Variants in CNTNAP2 observed in about 807,000 individuals in gnomAD.
CNTNAP2 encodes contactin associated protein 2.
A neutral mutation model predicts 155.2 loss-of-function variants in CNTNAP2; 98 were observed. That is an observed-to-expected ratio of 0.63 (90% confidence interval 0.54 to 0.75). CNTNAP2 has a LOEUF of 0.75. Ranked by LOEUF, CNTNAP2 falls within the 30% of genes least tolerant of loss-of-function variation. The pLI, the probability that CNTNAP2 is intolerant of heterozygous loss-of-function variation, is 0.00. For synonymous variants in CNTNAP2, 651 were observed against 631.2 expected (o/e 1.03, Z -0.47); for missense variants, 1,727 against 1,688.1 (o/e 1.02, Z -0.40).
intron 1 of CNTNAP2, among the ~76,000 whole-genome samples, chr7:146,213,683 C>T (rs1197788490): frequency 1.3e-5 from 2 of 152,108 alleles, no homozygotes; most frequent in Non-Finnish European, 2.9e-5. Flanking sequence ...ATTCAAATAT[C>T]CCAGTTCCCA....
intron 1 of CNTNAP2, among the ~76,000 whole-genome samples, chr7:146,596,068 T>C (rs1798854040): frequency 6.6e-6 from 1 of 152,028 alleles, no homozygotes; most frequent in African/African-American, 2.4e-5. Context: ...AGTAGGCCAA[T>C]ATATTTTGCT....
intron 14 of CNTNAP2, among the ~76,000 whole-genome samples, chr7:147,938,684 A>T (rs1585038817): frequency 6.6e-6 from 1 of 152,168 alleles, no homozygotes; most frequent in East Asian, 1.9e-4. Context: ...AAGTAACTAA[A>T]CTGGTACAAT....
At chr7:146,815,833 A>G (rs149661747) in intron 2 of CNTNAP2, among the ~76,000 whole-genome samples, 2,249 of 152,200 alleles carry the variant, frequency 0.015, 53 homozygotes, top group African/African-American at 0.048. Flanking sequence ...ATATGTATAC[A>G]TGTGCCATGT....
At chr7:147,299,850 G>A (rs1055275668) in intron 8 of CNTNAP2, among the ~76,000 whole-genome samples, 1 of 152,124 alleles carries the variant, frequency 6.6e-6, no homozygotes. Flanking sequence ...GGGAGGCCGA[G>A]GTCATCTAAA....
intron 18 of CNTNAP2, among the ~76,000 whole-genome samples, chr7:148,191,745 C>T (rs895813583): frequency 7.2e-5 from 11 of 152,166 alleles, no homozygotes; most frequent in African/African-American, 2.7e-4. Flanking sequence ...AATCACTTTC[C>T]AAGGCCTCAC....
intron 13 of CNTNAP2, among the ~76,000 whole-genome samples, chr7:147,867,183 G>C (rs919198162): frequency 2.6e-4 from 40 of 152,058 alleles, no homozygotes; most frequent in African/African-American, 9.2e-4. Flanking sequence ...GTGTGTAAAG[G>C]ATTTTATTTC....
At chr7:147,012,155 G>A (rs182036547) in intron 3 of CNTNAP2, among the ~76,000 whole-genome samples, 1 of 152,256 alleles carries the variant, frequency 6.6e-6, no homozygotes, top group Admixed American at 6.5e-5. Flanking sequence ...ATGATGGGGT[G>A]GGAAGGAGTC....
chr7:147,266,548 G>A (rs1276537414), intron 8 of CNTNAP2, among the ~76,000 whole-genome samples: 1 of 152,138 alleles, frequency 6.6e-6, no homozygotes, highest in Non-Finnish European at 1.5e-5. Context: ...GAAGAACAAA[G>A]TCATGATAAG....
At chr7:147,009,958 C>G (rs1171829234) in intron 3 of CNTNAP2, among the ~76,000 whole-genome samples, 1 of 151,726 alleles carries the variant, frequency 6.6e-6, no homozygotes, top group African/African-American at 2.4e-5. Context: ...CAACAATGCT[C>G]CAGTATGCTC....
chr7:148,238,981 A>G (rs931127885), intron 20 of CNTNAP2, among the ~76,000 whole-genome samples: 1 of 152,348 alleles, frequency 6.6e-6, no homozygotes. Flanking sequence ...GTTTGGAAGC[A>G]CTAAATTTTT....
intron 13 of CNTNAP2, among the ~76,000 whole-genome samples, chr7:147,874,526 A>G (rs1413080849): frequency 1.3e-5 from 2 of 152,278 alleles, no homozygotes; most frequent in Non-Finnish European, 2.9e-5. Context: ...CCAAGTCCCT[A>G]GGCTGCACAC....
At chr7:146,617,755 A>G (rs1799250186) in intron 1 of CNTNAP2, among the ~76,000 whole-genome samples, 1 of 152,208 alleles carries the variant, frequency 6.6e-6, no homozygotes, top group Admixed American at 6.5e-5. Context: ...ACTAAAGTGA[A>G]ACAAAATATT....
At chr7:147,102,424 T>C (rs1230783410) in intron 4 of CNTNAP2, among the ~76,000 whole-genome samples, 1 of 152,070 alleles carries the variant, frequency 6.6e-6, no homozygotes, top group Non-Finnish European at 1.5e-5. Context: ...GGAATATCCA[T>C]GTGGATCAGC....
At chr7:146,762,994 A>G (rs1269545883) in intron 1 of CNTNAP2, among the ~76,000 whole-genome samples, 2 of 151,508 alleles carry the variant, frequency 1.3e-5, no homozygotes, top group African/African-American at 2.4e-5. Context: ...AAACCATATC[A>G]ATCCCCTACA....
chr7:147,067,276 T>A (rs998376633), intron 4 of CNTNAP2, among the ~76,000 whole-genome samples: 2 of 114,468 alleles, frequency 1.7e-5, no homozygotes, highest in Non-Finnish European at 3.3e-5. Context: ...GGTGACAGAG[T>A]GAGACTCCGT....
At chr7:147,057,678 A>G (rs1799588163) in intron 4 of CNTNAP2, among the ~76,000 whole-genome samples, 1 of 152,150 alleles carries the variant, frequency 6.6e-6, no homozygotes, top group Admixed American at 6.5e-5. Context: ...TAGTGGCAAA[A>G]CTGCCCCTGG....
At chr7:147,828,580 G>T (rs973446383) in intron 13 of CNTNAP2, among the ~76,000 whole-genome samples, 2 of 152,228 alleles carry the variant, frequency 1.3e-5, no homozygotes, top group Admixed American at 1.3e-4. Context: ...TAAAGGCAAA[G>T]TGCCTCTGAC....
chr7:147,703,630 T>C (rs1383522501), intron 13 of CNTNAP2, among the ~76,000 whole-genome samples: 1 of 152,210 alleles, frequency 6.6e-6, no homozygotes, highest in Admixed American at 6.5e-5. Context: ...TTTTGTTACA[T>C]GCATAGAGGG....
At chr7:148,235,164 T>G (rs2116788359) in intron 20 of CNTNAP2, among the ~76,000 whole-genome samples, 1 of 152,340 alleles carries the variant, frequency 6.6e-6, no homozygotes, top group South Asian at 2.1e-4. Context: ...TTCTTTAAAA[T>G]AATATAAGCA....
Sources: allele counts gnomAD v4.1 joint callset (sites outside exome capture counted in the v4.1 genomes callset), GRCh38; gene constraint gnomAD v4.1.1; transcripts MANE v1.5; gene names NCBI Gene and HGNC (gene_info 2026-07-23, HGNC 2026-07-21).